Variants in TENM1 observed in about 807,000 individuals in gnomAD.
TENM1 encodes the protein teneurin-1.
Under a neutral mutation model 174.8 loss-of-function variants are expected in TENM1, and 35 were observed. That is an observed-to-expected ratio of 0.20 (90% CI 0.15 to 0.27). The LOEUF is 0.27. Ranked by LOEUF, TENM1 falls within the 10% of genes least tolerant of loss-of-function variation. TENM1 has a pLI of 1.00. For synonymous variants in TENM1, 781 were observed against 798.7 expected (o/e 0.98, Z 0.37); for missense variants, 1,633 against 2,130.1 (o/e 0.77, Z 4.59).
At chrX:124,878,032 G>C (rs745471810) in intron 3 of TENM1, among the ~76,000 whole-genome samples, 2 of 111,590 alleles carry the variant, frequency 1.8e-5, no homozygotes, top group South Asian at 3.9e-4. Flanking sequence ...TGAGGAGAAA[G>C]AGGAGGAACT....
At chrX:124,388,924 TA>T (rs1221079571) in intron 28 of TENM1, among the ~76,000 whole-genome samples, 1 of 112,330 alleles carries the variant, frequency 8.9e-6, no homozygotes, top group Non-Finnish European at 1.9e-5. Context: ...AAATGCATTT[TA>T]AAAATGAAGT....
At chrX:124,548,165 T>G (rs1464605503) in intron 14 of TENM1, among the ~76,000 whole-genome samples, 2 of 112,026 alleles carry the variant, frequency 1.8e-5, no homozygotes, top group Non-Finnish European at 3.8e-5. Context: ...CTGACATACA[T>G]GAATGCGATG....
At chrX:124,831,083 C>T (rs1216703511) in intron 3 of TENM1, among the ~76,000 whole-genome samples, 2 of 111,639 alleles carry the variant, frequency 1.8e-5, no homozygotes, top group African/African-American at 3.3e-5. Context: ...TACCTTATCC[C>T]GAAAGCAACA....
exon 28 of TENM1, chrX:124,392,135 T>C: frequency 8.3e-7 from 1 of 1,211,459 alleles, no homozygotes; most frequent in Non-Finnish European, 1.1e-6. Context: ...TATTCCATTT[T>C]TTCATTCCAC....
At chrX:124,960,080 T>C (rs982669155) in intron 1 of TENM1, among the ~76,000 whole-genome samples, 1 of 112,037 alleles carries the variant, frequency 8.9e-6, no homozygotes. Context: ...TCTCCACTAA[T>C]TGAAAGCTTT....
intron 4 of TENM1, among the ~76,000 whole-genome samples, chrX:124,734,489 C>A (rs1044209665): frequency 1.5e-4 from 16 of 104,588 alleles, no homozygotes; most frequent in Non-Finnish European, 2.5e-4. Context: ...TAAATAAATA[C>A]AGAAACTCTA....
intron 1 of TENM1, among the ~76,000 whole-genome samples, chrX:124,901,233 G>A (rs1166102729): frequency 9.0e-6 from 1 of 111,314 alleles, no homozygotes; most frequent in Non-Finnish European, 1.9e-5. Context: ...TTATGGTTGA[G>A]GATCATGAGA....
chrX:124,689,577 C>T (rs2052464109), intron 5 of TENM1, among the ~76,000 whole-genome samples: 1 of 111,435 alleles, frequency 9.0e-6, no homozygotes, highest in African/African-American at 3.3e-5. Flanking sequence ...TTGTGTCAGA[C>T]AGATTCGAAG....
chrX:125,063,978 C>T, the TENM1 span, among the ~76,000 whole-genome samples: 2 of 110,877 alleles, frequency 1.8e-5, no homozygotes, highest in African/African-American at 6.6e-5. Flanking sequence ...TACTATGCAG[C>T]CATAAAAAAG....
chrX:124,546,844 C>T, intron 15 of TENM1, 30 bp downstream of exon 18: 1 of 1,095,073 alleles, frequency 9.1e-7, no homozygotes, highest in Non-Finnish European at 1.3e-6. Flanking sequence ...GACCATTGTT[C>T]ACTAAGGAAT....
At chrX:124,505,855 T>G (rs746222395) in intron 18 of TENM1, among the ~76,000 whole-genome samples, 3 of 111,832 alleles carry the variant, frequency 2.7e-5, no homozygotes, top group Admixed American at 1.9e-4. Context: ...ATCCTTTTAA[T>G]CCTTCTTTAG....
intron 3 of TENM1, among the ~76,000 whole-genome samples, chrX:124,778,287 T>C (rs2054830594): frequency 8.9e-6 from 1 of 112,242 alleles, no homozygotes; most frequent in African/African-American, 3.2e-5. Context: ...TCAGTTTTTA[T>C]GTGGTGACCT....
chrX:124,481,654 G>T (rs1359928090), intron 22 of TENM1, 78 bp downstream of exon 25: 5 of 282,830 alleles, frequency 1.8e-5, no homozygotes, highest in Non-Finnish European at 2.9e-5. Flanking sequence ...AACAGTCTCG[G>T]GATTTTGTAA....
At chrX:125,015,929 A>G in the TENM1 span, among the ~76,000 whole-genome samples, 1 of 111,668 alleles carries the variant, frequency 9.0e-6, no homozygotes, top group Non-Finnish European at 1.9e-5. Flanking sequence ...CATCTGTTAT[A>G]CACTAGACCT....
At chrX:124,712,755 G>A (rs2053088623) in intron 4 of TENM1, among the ~76,000 whole-genome samples, 1 of 111,645 alleles carries the variant, frequency 9.0e-6, no homozygotes, top group South Asian at 3.8e-4. Flanking sequence ...GTGTTGGGAT[G>A]ACAGGCGTGA....
At chrX:124,840,608 G>A (rs916886016) in intron 3 of TENM1, among the ~76,000 whole-genome samples, 6 of 111,561 alleles carry the variant, frequency 5.4e-5, no homozygotes, top group African/African-American at 1.9e-4. Context: ...AAGAGAGGAG[G>A]CTGCTTATGC....
chrX:124,430,242 T>C (rs1018584868), intron 23 of TENM1, among the ~76,000 whole-genome samples: 11 of 111,765 alleles, frequency 9.8e-5, no homozygotes, highest in Non-Finnish European at 2.1e-4. Flanking sequence ...CTGCTTCTCA[T>C]ACTTTTTTGA....
intron 14 of TENM1, among the ~76,000 whole-genome samples, chrX:124,559,578 G>A (rs2048767045): frequency 9.0e-6 from 1 of 110,526 alleles, no homozygotes; most frequent in Non-Finnish European, 1.9e-5. Context: ...TAAGGCAGAA[G>A]GATTACCTGA....
At chrX:125,064,941 G>GT in the TENM1 span, among the ~76,000 whole-genome samples, 1 of 111,938 alleles carries the variant, frequency 8.9e-6, no homozygotes, top group Non-Finnish European at 1.9e-5. Context: ...AAAAAATAAA[G>GT]TTGAGCAAAT....
Sources: gnomAD v4.1 joint callset for allele counts (sites outside exome capture counted in the v4.1 genomes callset) on GRCh38, gnomAD v4.1.1 for gene constraint, MANE v1.5 for transcripts, NCBI Gene and HGNC (gene_info 2026-07-23, HGNC 2026-07-21) for gene names.